ZNF804B: variants seen among roughly 807,000 people sequenced by gnomAD.
ZNF804B encodes zinc finger protein 804B.
In ZNF804B, 80 loss-of-function variants were observed where a neutral mutation model predicts 101.4. The observed-to-expected ratio is 0.79, with a 90% confidence interval of 0.66 to 0.95. The LOEUF (loss-of-function observed/expected upper bound fraction) is 0.95, where lower values mean the gene tolerates loss of function less well. Ranked by LOEUF, ZNF804B falls within the 40% of genes least tolerant of loss-of-function variation. The pLI, the probability that ZNF804B is intolerant of heterozygous loss-of-function variation, is 0.00. For synonymous variants in ZNF804B, 622 were observed against 558.8 expected, an observed-to-expected ratio of 1.11 and a Z score of -1.59; for missense variants, 1,673 against 1,561.9, an observed-to-expected ratio of 1.07 and a Z score of -1.20.
At chr7:88,823,509 A>G (rs1791013061) in intron 1 of ZNF804B, among the ~76,000 whole-genome samples, 1 of 152,002 alleles carries the variant, frequency 6.6e-6, no homozygotes, top group South Asian at 2.1e-4. Context: ...TAATAGATAA[A>G]GGTCACCAGG....
chr7:89,131,444 A>G (rs1234898960), intron 1 of ZNF804B, among the ~76,000 whole-genome samples: 2 of 152,014 alleles, frequency 1.3e-5, no homozygotes, highest in Non-Finnish European at 2.9e-5. Context: ...CTAAATAAGA[A>G]GAAAAGACCC....
chr7:88,784,215 A>G (rs989439409), intron 1 of ZNF804B, among the ~76,000 whole-genome samples: 2 of 152,172 alleles, frequency 1.3e-5, no homozygotes, highest in Non-Finnish European at 2.9e-5. Context: ...TCTGCAATTA[A>G]CTGTAAAAGT....
intron 1 of ZNF804B, among the ~76,000 whole-genome samples, chr7:89,029,196 C>T (rs188089384): frequency 2.0e-5 from 3 of 147,770 alleles, no homozygotes; most frequent in Non-Finnish European, 3.0e-5. Context: ...CTCCACCTCC[C>T]GGGCTCAAGC....
chr7:89,163,799 T>A (rs1791103073), intron 1 of ZNF804B, among the ~76,000 whole-genome samples: 1 of 152,128 alleles, frequency 6.6e-6, no homozygotes, highest in Non-Finnish European at 1.5e-5. Context: ...AAAGAGACAA[T>A]AATTCTAAAT....
chr7:88,793,178 A>AT (rs1790406312), intron 1 of ZNF804B, among the ~76,000 whole-genome samples: 1 of 152,186 alleles, frequency 6.6e-6, no homozygotes, highest in South Asian at 2.1e-4. Context: ...ATGTCAATTA[A>AT]TTGTTTAAAC....
intron 1 of ZNF804B, among the ~76,000 whole-genome samples, chr7:88,898,698 A>C (rs1003310084): frequency 2.6e-5 from 4 of 152,098 alleles, no homozygotes; most frequent in African/African-American, 4.8e-5. Context: ...TTTCTTCAAG[A>C]GGATTCAATT....
At chr7:88,848,639 T>TTA (rs1385395956) in intron 1 of ZNF804B, among the ~76,000 whole-genome samples, 6 of 148,564 alleles carry the variant, frequency 4.0e-5, no homozygotes, top group African/African-American at 1.5e-4. Context: ...TTTTTTTTTT[T>TTA]AAAAAACGTG....
intron 1 of ZNF804B, among the ~76,000 whole-genome samples, chr7:88,826,984 T>C (rs994953717): frequency 1.3e-5 from 2 of 152,106 alleles, no homozygotes; most frequent in Non-Finnish European, 2.9e-5. Flanking sequence ...CCAGATGTCA[T>C]GTGGAGAAAT....
At chr7:88,884,058 T>C (rs1299878440) in intron 1 of ZNF804B, among the ~76,000 whole-genome samples, 1 of 151,938 alleles carries the variant, frequency 6.6e-6, no homozygotes, top group African/African-American at 2.4e-5. Context: ...TCTCACTTTT[T>C]CTCAAACTAA....
intron 1 of ZNF804B, among the ~76,000 whole-genome samples, chr7:88,905,472 C>G (rs1792455367): frequency 6.6e-6 from 1 of 152,170 alleles, no homozygotes; most frequent in East Asian, 1.9e-4. Flanking sequence ...ATTCTCCTGC[C>G]TCAACCTCCC....
chr7:89,058,627 A>G (rs1045888321), intron 1 of ZNF804B, among the ~76,000 whole-genome samples: 1 of 152,164 alleles, frequency 6.6e-6, no homozygotes, highest in East Asian at 1.9e-4. Context: ...AGGGAAAAAG[A>G]CAGGGTGACA....
intron 1 of ZNF804B, among the ~76,000 whole-genome samples, chr7:89,212,446 G>A (rs944261605): frequency 2.6e-5 from 4 of 152,208 alleles, no homozygotes; most frequent in South Asian, 4.1e-4. Flanking sequence ...TTGTGCACAT[G>A]GGAGATAACC....
At chr7:89,179,977 T>C (rs1332254022) in intron 1 of ZNF804B, among the ~76,000 whole-genome samples, 1 of 152,166 alleles carries the variant, frequency 6.6e-6, no homozygotes, top group Non-Finnish European at 1.5e-5. Flanking sequence ...TCTCTTGTCC[T>C]CTTCCCTTAC....
At chr7:88,937,488 C>T (rs1792990249) in intron 1 of ZNF804B, among the ~76,000 whole-genome samples, 1 of 152,016 alleles carries the variant, frequency 6.6e-6, no homozygotes, top group African/African-American at 2.4e-5. Context: ...CACTGACAAG[C>T]ATCAAAACCC....
chr7:88,893,377 G>A (rs1404438190), intron 1 of ZNF804B, among the ~76,000 whole-genome samples: 5 of 151,488 alleles, frequency 3.3e-5, no homozygotes, highest in Non-Finnish European at 1.5e-5. Flanking sequence ...TTTTATTATT[G>A]AAATATGAAC....
chr7:88,873,408 A>G (rs1294230005), intron 1 of ZNF804B, among the ~76,000 whole-genome samples: 1 of 152,132 alleles, frequency 6.6e-6, no homozygotes, highest in Non-Finnish European at 1.5e-5. Context: ...ATGTTCTCCC[A>G]TTCTGTAGGT....
intron 1 of ZNF804B, among the ~76,000 whole-genome samples, chr7:88,854,933 C>A (rs1177272487): frequency 6.6e-6 from 1 of 151,762 alleles, no homozygotes; most frequent in African/African-American, 2.4e-5. Flanking sequence ...AGGACATGAA[C>A]TCATCATTTT....
intron 1 of ZNF804B, among the ~76,000 whole-genome samples, chr7:89,037,815 C>A (rs2116242980): frequency 6.6e-6 from 1 of 152,218 alleles, no homozygotes; most frequent in Non-Finnish European, 1.5e-5. Flanking sequence ...TTCCCCTATG[C>A]CCCAGCCCCT....
At chr7:88,901,548 T>A (rs539077515) in intron 1 of ZNF804B, among the ~76,000 whole-genome samples, 27 of 151,944 alleles carry the variant, frequency 1.8e-4, no homozygotes, top group African/African-American at 6.3e-4. Flanking sequence ...CTAGAGAAGG[T>A]ATCTGCAGTT....
Sources: allele counts gnomAD v4.1 joint callset (sites outside exome capture counted in the v4.1 genomes callset), GRCh38; gene constraint gnomAD v4.1.1; transcripts MANE v1.5; gene names NCBI Gene and HGNC (gene_info 2026-07-23, HGNC 2026-07-21).